NSMAF: variants seen among roughly 807,000 people sequenced by gnomAD.
NSMAF encodes the protein neutral sphingomyelinase activation associated factor.
A neutral mutation model predicts 134.9 loss-of-function variants in NSMAF; 90 were observed. The observed-to-expected ratio is 0.67, with a 90% CI of 0.56 to 0.79. The LOEUF (loss-of-function observed/expected upper bound fraction) is 0.79, where lower values mean the gene tolerates loss of function less well. Ranked by LOEUF, NSMAF falls within the 30% of genes least tolerant of loss-of-function variation. The pLI is 0.00. For synonymous variants in NSMAF, 358 were observed against 389.6 expected (o/e 0.92, Z 0.96); for missense variants, 1,010 against 1,119.0 (o/e 0.90, Z 1.39).
At position 58,585,114 on chromosome 8, in the gene NSMAF, G is replaced by A. The variant is rs148661666; in HGVS notation, c.2659+538C>T. Among the ~76,000 whole-genome samples, 12 of 152,288 alleles carry A rather than the reference G, an allele frequency of 7.9e-5. No individual in the cohort carries two copies. In the East Asian group the frequency reaches 2.3e-3, roughly 29 times the overall value. On this transcript the variant is annotated intron_variant, in intron 30 of 30. Transcript: ENST00000038176. ...CAAGAATTTGTAAGCAAACAATCTA[G>A]TGAATCTCCAAGAAATATTACCAAA... is the stretch of plus-strand genomic sequence containing the variant.
At chr8:58,631,647 T>G in intron 5 of NSMAF, 101 bp from the exon 6 acceptor site, 1 of 623,024 alleles carries the variant, frequency 1.6e-6, no homozygotes, top group Non-Finnish European at 2.7e-6. Context: ...TTTTAAATCA[T>G]TGTTATATAA....
intron 2 of NSMAF, among the ~76,000 whole-genome samples, chr8:58,642,010 G>C (rs912562790): frequency 1.3e-5 from 2 of 152,182 alleles, no homozygotes; most frequent in Non-Finnish European, 2.9e-5. Flanking sequence ...AAAAGAATAT[G>C]AGCAAAATTC....
chr8:58,642,934 C>T (rs1331507776), intron 2 of NSMAF, 50 bp downstream of exon 2: 1 of 1,327,740 alleles, frequency 7.5e-7, no homozygotes, highest in African/African-American at 1.4e-5. Flanking sequence ...TTTAAAAGTT[C>T]AGATATCAGA....
intron 2 of NSMAF, among the ~76,000 whole-genome samples, chr8:58,641,352 T>C (rs1427905186): frequency 1.3e-5 from 2 of 152,340 alleles, no homozygotes; most frequent in Non-Finnish European, 2.9e-5. Flanking sequence ...AGTTACAAAA[T>C]AAGGTACATT....
At chr8:58,602,502 G>A (rs1806307638) in intron 13 of NSMAF, among the ~76,000 whole-genome samples, 1 of 152,014 alleles carries the variant, frequency 6.6e-6, no homozygotes, top group East Asian at 1.9e-4. Flanking sequence ...GAATTCTAGT[G>A]AATATTATTA....
In NSMAF at chr8:58,588,799, A is replaced by G; in HGVS notation, c.2211+653T>C. The G allele has an allele frequency of 3.2e-6, 3 of 929,176 alleles. No homozygotes were observed. The South Asian group carries it at 3.9e-5, about 12-fold the overall frequency. 57.6% of individuals were successfully genotyped at this position (929,176 alleles called of 1,614,324 possible). A position where few individuals can be genotyped will look rare whatever the true frequency, so the allele number is the denominator to read the frequency against. ...ACGGACCGGAGAGAGCTAACTTGAC[A>G]TTTTCTAATTAACTATAATCAACTA... is the stretch of plus-strand genomic sequence containing the variant. On this transcript the variant is annotated intron_variant, in intron 26 of 30. Coordinates refer to ENST00000038176, the MANE Select transcript of NSMAF (RefSeq NM_003580.4).
intron 2 of NSMAF, among the ~76,000 whole-genome samples, chr8:58,640,630 C>T (rs1424265272): frequency 6.6e-6 from 1 of 152,124 alleles, no homozygotes; most frequent in Non-Finnish European, 1.5e-5. Context: ...GATACACAGT[C>T]AAATTATTAT....
At chr8:58,616,656 T>G (rs1159028422) in intron 9 of NSMAF, among the ~76,000 whole-genome samples, 1 of 152,174 alleles carries the variant, frequency 6.6e-6, no homozygotes, top group Non-Finnish European at 1.5e-5. Flanking sequence ...CTTTGAATGA[T>G]GAAACCTTAA....
chr8:58,626,299 T>C (rs929150043), intron 6 of NSMAF, among the ~76,000 whole-genome samples: 2 of 152,006 alleles, frequency 1.3e-5, no homozygotes, highest in African/African-American at 4.8e-5. Context: ...TTTCACAGTG[T>C]TAACCAGGAT....
intron 23 of NSMAF, among the ~76,000 whole-genome samples, chr8:58,592,921 A>AC (rs1282151235): frequency 4.6e-5 from 7 of 151,104 alleles, no homozygotes; most frequent in African/African-American, 1.7e-4. Context: ...CAACAACAAA[A>AC]AAAAAACCTC....
At chr8:58,621,769 CATGT>C (rs765695081) in intron 9 of NSMAF, among the ~76,000 whole-genome samples, 2 of 151,952 alleles carry the variant, frequency 1.3e-5, no homozygotes, top group Non-Finnish European at 2.9e-5. Context: ...TTTTTGGTTG[CATGT>C]ATGTCTTTTT....
intron 1 of NSMAF, 181 bp downstream of exon 1, chr8:58,659,392 C>T: frequency 1.3e-6 from 2 of 1,517,540 alleles, no homozygotes; most frequent in South Asian, 2.4e-5. Flanking sequence ...AGGCCCCCGG[C>T]CTCTCACCCC....
chr8:58,586,926 C>T (rs181075508), intron 27 of NSMAF, among the ~76,000 whole-genome samples: 104 of 152,204 alleles, frequency 6.8e-4, no homozygotes, highest in Middle Eastern at 3.4e-3. Context: ...TATAGTGAGC[C>T]GCCAAAGTGC....
intron 2 of NSMAF, 87 bp downstream of exon 2, chr8:58,642,897 T>A (rs577263659): frequency 1.0e-6 from 1 of 956,236 alleles, no homozygotes; most frequent in East Asian, 2.4e-5. Context: ...TTTCTTTAGT[T>A]AACACCTATA....
intron 9 of NSMAF, among the ~76,000 whole-genome samples, chr8:58,612,374 C>T (rs1806549041): frequency 6.6e-6 from 1 of 152,226 alleles, no homozygotes; most frequent in Non-Finnish European, 1.5e-5. Context: ...GTGATGTACC[C>T]TCACTCCACA....
At chr8:58,588,713 C>T (rs373271148) in intron 26 of NSMAF, 122 of 1,537,842 alleles carry the variant, frequency 7.9e-5, no homozygotes, top group Non-Finnish European at 9.6e-5. Context: ...ATAGGCTGCA[C>T]GTGGCCGCGG....
rs1316037876 is a variant in NSMAF at position 58,584,137 on chromosome 8, C to G, written c.2723G>C (p.Arg908Thr). The change falls in exon 31 of 31, where the codon AGA becomes ACA. Residue 908 changes from arginine to threonine, a missense_variant. Transcript: ENST00000038176. ...CTGCAATTTCCAGAATATAATTTGT[C>G]TGTCTTCCCCTCCTGTGATGATACT... ...CSSIITGGED[R>T]QIIFWKLQY 1 of 1,613,470 alleles carries G rather than the reference C, an allele frequency of 6.2e-7. No homozygotes were observed. Among genetic ancestry groups the G allele is most frequent in the African/African-American group, 1.3e-5 (1 of 75,026 alleles).
intron 10 of NSMAF, among the ~76,000 whole-genome samples, chr8:58,609,360 C>T (rs1806475051): frequency 6.6e-6 from 1 of 152,224 alleles, no homozygotes. Flanking sequence ...GGTTTCTTTT[C>T]ACCACACTGA....
chr8:58,614,042 T>C (rs901760389), intron 9 of NSMAF, among the ~76,000 whole-genome samples: 11 of 152,248 alleles, frequency 7.2e-5, no homozygotes, highest in Admixed American at 6.5e-4. Flanking sequence ...ATAGTCTAAG[T>C]GTGTAGTCAG....
Sources: gnomAD v4.1 joint callset for allele counts (sites outside exome capture counted in the v4.1 genomes callset) on GRCh38, gnomAD v4.1.1 for gene constraint, MANE v1.5 for transcripts, NCBI Gene and HGNC (gene_info 2026-07-23, HGNC 2026-07-21) for gene names.